CFH: variants seen among roughly 807,000 people sequenced by gnomAD.
The protein encoded by CFH is complement factor H.
Under a neutral mutation model 147.3 loss-of-function variants are expected in CFH, and 53 were observed. That is an observed-to-expected ratio of 0.36 (90% CI 0.29 to 0.45). The LOEUF is 0.45. CFH is among the 20% of genes least tolerant of loss of function. CFH has a pLI of 1.00. For synonymous variants in CFH, 536 were observed against 489.4 expected (o/e 1.10, Z -1.26); for missense variants, 1,380 against 1,498.0 (o/e 0.92, Z 1.30).
intron 1 of CFH, among the ~76,000 whole-genome samples, chr1:196,657,036 C>T (rs961383492): frequency 1.3e-5 from 2 of 151,898 alleles, no homozygotes; most frequent in East Asian, 3.9e-4. Context: ...GGAGTGCCCA[C>T]GCTGGAGTGC....
At chr1:196,668,975 A>G (rs983338172) in intron 1 of CFH, among the ~76,000 whole-genome samples, 13 of 152,176 alleles carry the variant, frequency 8.5e-5, no homozygotes, top group Non-Finnish European at 1.9e-4. Flanking sequence ...AAGATGTGGG[A>G]AAGCTTGGAA....
At chr1:196,680,770 T>G (rs147189747) in intron 6 of CFH, among the ~76,000 whole-genome samples, 58 of 151,990 alleles carry the variant, frequency 3.8e-4, no homozygotes, top group Non-Finnish European at 8.0e-4. Context: ...AAATACATGT[T>G]TAAACTGTGC....
intron 9 of CFH, among the ~76,000 whole-genome samples, chr1:196,713,213 C>T (rs1209245306): frequency 6.6e-6 from 1 of 152,074 alleles, no homozygotes; most frequent in African/African-American, 2.4e-5. Flanking sequence ...GTTACTGTTC[C>T]TCGTCTTCTT....
chr1:196,670,075 A>G (rs1396814562), intron 1 of CFH, among the ~76,000 whole-genome samples: 3 of 152,196 alleles, frequency 2.0e-5, no homozygotes, highest in East Asian at 3.9e-4. Context: ...TCTGACTTTC[A>G]TGGAGCCTTT....
intron 6 of CFH, 114 bp from the exon 7 acceptor site, chr1:196,684,950 T>C (rs2149085218): frequency 3.7e-6 from 3 of 808,538 alleles, no homozygotes; most frequent in Non-Finnish European, 4.1e-6. Flanking sequence ...TTTAATGCCA[T>C]TTTGTATTAT....
intron 15 of CFH, among the ~76,000 whole-genome samples, chr1:196,731,723 C>T (rs547168051): frequency 6.6e-6 from 1 of 152,012 alleles, no homozygotes; most frequent in Admixed American, 6.6e-5. Flanking sequence ...CTCAGAAAGC[C>T]TTTATCACTC....
intron 9 of CFH, among the ~76,000 whole-genome samples, chr1:196,695,041 G>T (rs2149092550): frequency 6.6e-6 from 1 of 152,234 alleles, no homozygotes; most frequent in Non-Finnish European, 1.5e-5. Flanking sequence ...GGCCTTTGTT[G>T]CCATTGCTTT....
At chr1:196,652,229 T>C (rs1666525406) in intron 1 of CFH, 54 bp downstream of exon 1, 2 of 1,369,772 alleles carry the variant, frequency 1.5e-6, no homozygotes, top group East Asian at 2.3e-5. Context: ...CATTTGCTAA[T>C]GATGCTTTTC....
chr1:196,696,104 T>TAATAGACATCTACAGAATTA (rs1668256847), intron 9 of CFH, among the ~76,000 whole-genome samples: 2 of 152,078 alleles, frequency 1.3e-5, no homozygotes, highest in African/African-American at 2.4e-5. Flanking sequence ...AACTCAACTC[T>TAATAGACATCTACAGAATTA]GGACCAACTG....
intron 10 of CFH, among the ~76,000 whole-genome samples, chr1:196,714,921 G>A (rs1010479896): frequency 9.9e-5 from 15 of 151,072 alleles, no homozygotes; most frequent in Non-Finnish European, 1.9e-4. Context: ...GGCTGGTCTC[G>A]AACTCTTAAT....
chr1:196,724,047 A>G (rs1423518384), intron 11 of CFH, among the ~76,000 whole-genome samples: 1 of 152,026 alleles, frequency 6.6e-6, no homozygotes, highest in Non-Finnish European at 1.5e-5. Flanking sequence ...GTCTGCTGGA[A>G]GTGGCGTAGT....
intron 1 of CFH, among the ~76,000 whole-genome samples, chr1:196,671,729 CA>C (rs1667288211): frequency 6.8e-6 from 1 of 146,708 alleles, no homozygotes; most frequent in Non-Finnish European, 1.5e-5. Flanking sequence ...TAGAAGAAGC[CA>C]ACACATATAT....
chr1:196,693,983 TGTGTGTGTTTTA>T (rs1373543738), intron 9 of CFH, among the ~76,000 whole-genome samples: 1 of 151,488 alleles, frequency 6.6e-6, no homozygotes, highest in African/African-American at 2.4e-5. Context: ...TGTGTGTGTG[TGTGTGTGTTTTA>T]TTATTATTAT....
chr1:196,743,798 T>C (rs1316379476), intron 20 of CFH, among the ~76,000 whole-genome samples, 170 bp downstream of exon 20: 1 of 152,156 alleles, frequency 6.6e-6, no homozygotes, highest in Non-Finnish European at 1.5e-5. Flanking sequence ...AGTAATAGGG[T>C]ATATTATTTT....
In CFH at chr1:196,743,584, T is replaced by C; in HGVS notation, c.3266T>C (p.Val1089Ala). Residue 1089 changes from valine (V) to alanine (A), a missense_variant, in exon 20 of 22, where the codon GTG becomes GCG. By Grantham distance (64) the Val-to-Ala change is moderately conservative (BLOSUM62 0). Coordinates refer to ENST00000367429, the MANE Select transcript of CFH (RefSeq NM_000186.4). ...SPYEMFGDEE[V>A]MCLNGNWTEP... ...TATGAAATGTTTGGGGATGAAGAAG[T>C]GATGTGTTTAAATGGAAACTGGACG... The C allele has an allele frequency of 6.2e-7, 1 of 1,613,998 alleles. No homozygotes were observed. Among genetic ancestry groups the C allele is most frequent in the Non-Finnish European group, 8.5e-7 (1 of 1,179,924 alleles).
At chr1:196,731,012 AT>A (rs1222078708) in intron 15 of CFH, among the ~76,000 whole-genome samples, 1 of 151,790 alleles carries the variant, frequency 6.6e-6, no homozygotes, top group African/African-American at 2.4e-5. Context: ...TTGGATATTA[AT>A]TTTTGATTTA....
intron 3 of CFH, 96 bp downstream of exon 3, chr1:196,674,058 G>A (rs1573010235): frequency 1.1e-6 from 1 of 878,376 alleles, no homozygotes; most frequent in Non-Finnish European, 1.8e-6. Flanking sequence ...TTTTCTATGA[G>A]CATTTAAAAA....
rs78585796 is a variant in CFH at position 196,683,284 on chromosome 1, C to A, written c.791-1780C>A. On this transcript the variant is annotated intron_variant, in intron 6 of 21. Transcript: ENST00000367429. The stretch of plus-strand genomic sequence containing the variant: ...ATTACAGAGTTTTATCTGTTCAGTT[C>A]AATAAATAATTAAGAAGTCCATAAT... 2.6e-5 allele frequency among the ~76,000 whole-genome samples: 4 copies of A among 151,430 alleles called. No homozygotes were observed. In the Admixed American group the frequency reaches 2.6e-4, roughly 10 times the overall value.
chr1:196,679,699 A>T lies in CFH; in HGVS notation c.696A>T (p.Arg232=). The T allele has an allele frequency of 6.2e-7, 1 of 1,609,710 alleles. No homozygotes were observed. Among genetic ancestry groups the T allele is most frequent in the African/African-American group, 1.3e-5 (1 of 74,914 alleles). ...SQKIIYKENE[R]FQYKCNMGYE... is the part of the protein sequence containing the mutation. ...AGATTATTTATAAGGAGAATGAACGATTTCAATATAAATGTAACATGGGTT... is the reference window on the plus strand; with the variant it reads ...AGATTATTTATAAGGAGAATGAACGTTTTCAATATAAATGTAACATGGGTT... The change falls in exon 6 of 22, where the codon CGA becomes CGT. Residue 232 remains arginine, a synonymous_variant. Transcript: ENST00000367429.
Sources: gnomAD v4.1 joint callset for allele counts (sites outside exome capture counted in the v4.1 genomes callset) on GRCh38, gnomAD v4.1.1 for gene constraint, MANE v1.5 for transcripts, NCBI Gene and HGNC (gene_info 2026-07-23, HGNC 2026-07-21) for gene names.